Variants in LARGE1 observed in about 807,000 individuals in gnomAD.
The protein encoded by LARGE1 is LARGE xylosyl- and glucuronyltransferase 1.
A neutral mutation model predicts 87.6 loss-of-function variants in LARGE1; 43 were observed. The ratio of observed to expected loss-of-function variants is 0.49; its 90% CI spans 0.38 to 0.63. LARGE1 has a LOEUF of 0.63. Among genes scored for constraint, LARGE1 ranks in the 30% least tolerant of loss-of-function variants. The pLI is 0.00. For missense variants in LARGE1, 802 were observed against 1,000.2 expected (o/e 0.80, Z 2.67); for synonymous variants, 434 against 394.6 (o/e 1.10, Z -1.18).
intron 6 of LARGE1, among the ~76,000 whole-genome samples, chr22:33,468,367 T>G (rs2068700641): frequency 6.6e-6 from 1 of 152,160 alleles, no homozygotes; most frequent in South Asian, 2.1e-4. Context: ...CTTGGAAGAC[T>G]GAGGCAGGAG....
chr22:33,660,548 C>G (rs1430916205), intron 2 of LARGE1, among the ~76,000 whole-genome samples: 1 of 152,214 alleles, frequency 6.6e-6, no homozygotes, highest in African/African-American at 2.4e-5. Context: ...CACTTTTACA[C>G]AGCCTTGAAG....
chr22:33,701,374 A>G (rs897726561), intron 2 of LARGE1, among the ~76,000 whole-genome samples: 12 of 152,224 alleles, frequency 7.9e-5, no homozygotes, highest in Non-Finnish European at 1.8e-4. Context: ...CAGTGCATCC[A>G]CTGCAATTAG....
chr22:33,227,653 A>T (rs1187697032), intron 11 of LARGE1, among the ~76,000 whole-genome samples: 1 of 152,196 alleles, frequency 6.6e-6, no homozygotes, highest in African/African-American at 2.4e-5. Context: ...TCATTTTAAA[A>T]TTTGCTTTAT....
chr22:33,894,510 C>T (rs1415892418), intron 1 of LARGE1, among the ~76,000 whole-genome samples: 1 of 152,192 alleles, frequency 6.6e-6, no homozygotes, highest in East Asian at 1.9e-4. Context: ...GACACTGTCC[C>T]ACTGCTGTCC....
At chr22:33,441,759 T>C (rs2067488221) in intron 6 of LARGE1, among the ~76,000 whole-genome samples, 1 of 152,202 alleles carries the variant, frequency 6.6e-6, no homozygotes, top group South Asian at 2.1e-4. Context: ...TCATAGGTAA[T>C]ATCGAGTAAA....
Position 33,328,822 on chromosome 22 carries a change from A to G in LARGE1, c.1287+8824T>C, listed in dbSNP as rs564588983. The stretch of plus-strand genomic sequence containing the variant: ...TTGTCTTGTGGCTTTAGAGTTAGGT[A>G]GACCTGGTTTCTAATCACGGCCCCA... On this transcript the variant is annotated intron_variant, in intron 10 of 14. Coordinates refer to ENST00000397394, the MANE Select transcript of LARGE1 (RefSeq NM_133642.5). 2.0e-5 allele frequency among the ~76,000 whole-genome samples: 3 copies of G among 152,230 alleles called. No homozygotes were observed. In the South Asian group the frequency reaches 6.2e-4, roughly 32 times the overall value.
chr22:33,770,524 A>T (rs1337366907), intron 1 of LARGE1, among the ~76,000 whole-genome samples: 1 of 152,132 alleles, frequency 6.6e-6, no homozygotes, highest in East Asian at 1.9e-4. Flanking sequence ...ACTCTAAAAA[A>T]ATGTAAAGAC....
chr22:33,168,439 C>T (rs1400664761), intron 11 of LARGE1, among the ~76,000 whole-genome samples: 1 of 152,178 alleles, frequency 6.6e-6, no homozygotes, highest in Non-Finnish European at 1.5e-5. Context: ...GGAGTTATCA[C>T]AAACCATTTT....
At chr22:33,066,709 A>G in the LARGE1 span, among the ~76,000 whole-genome samples, 5 of 152,204 alleles carry the variant, frequency 3.3e-5, no homozygotes, top group African/African-American at 1.2e-4. Context: ...ATTGACATGC[A>G]AAAGAGAGAG....
chr22:33,320,431 T>C (rs1936597406), intron 10 of LARGE1, among the ~76,000 whole-genome samples: 1 of 152,184 alleles, frequency 6.6e-6, no homozygotes, highest in African/African-American at 2.4e-5. Context: ...AGCAATCCGT[T>C]TCTTCTCTGC....
rs144906723 is a variant in LARGE1 at position 33,902,839 on chromosome 22, A to G, written c.-83+17156T>C. Reference sequence around the variant, plus strand: ...CGTATTTAGTGACGGGGTCTTTAAAAAGGTGATTAAGGCTGGGCGCAGTGG... The same window carrying G: ...CGTATTTAGTGACGGGGTCTTTAAAGAGGTGATTAAGGCTGGGCGCAGTGG... On this transcript the variant is annotated intron_variant, in intron 1 of 14. Transcript: ENST00000397394. 3.5e-3 allele frequency among the ~76,000 whole-genome samples: 538 copies of G among 152,272 alleles called. 8 individuals are homozygous for G. Among genetic ancestry groups the G allele is most frequent in the African/African-American group, 0.012 (512 of 41,556 alleles).
At chr22:33,836,797 G>GAA (rs11411468) in intron 1 of LARGE1, among the ~76,000 whole-genome samples, 3,138 of 140,202 alleles carry the variant, frequency 0.022, 94 homozygotes, top group African/African-American at 0.077. Context: ...TACCTTACTG[G>GAA]AAAAAAAAAA....
the LARGE1 span, among the ~76,000 whole-genome samples, chr22:33,097,920 A>G: frequency 6.6e-6 from 1 of 152,236 alleles, no homozygotes; most frequent in East Asian, 1.9e-4. Flanking sequence ...AACTGGATAC[A>G]TGAAACCCTT....
chr22:33,882,035 G>GTTTTTT (rs56757133), intron 1 of LARGE1, among the ~76,000 whole-genome samples: 2 of 144,224 alleles, frequency 1.4e-5, no homozygotes, highest in African/African-American at 2.6e-5. Flanking sequence ...TTTTGTTTTT[G>GTTTTTT]TTTTTTTTTG....
chr22:33,449,910 G>A (rs1291157701), intron 6 of LARGE1, among the ~76,000 whole-genome samples: 1 of 152,020 alleles, frequency 6.6e-6, no homozygotes, highest in Non-Finnish European at 1.5e-5. Context: ...TCGAGGATGA[G>A]GCTTTTGTAC....
chr22:33,602,750 G>C (rs1166591308), intron 5 of LARGE1, among the ~76,000 whole-genome samples: 1 of 152,146 alleles, frequency 6.6e-6, no homozygotes, highest in African/African-American at 2.4e-5. Flanking sequence ...GGGCTCAAGT[G>C]ATCCTCCCCA....
At chr22:33,719,896 C>T (rs1319597927) in intron 2 of LARGE1, among the ~76,000 whole-genome samples, 2 of 152,058 alleles carry the variant, frequency 1.3e-5, no homozygotes, top group Admixed American at 6.5e-5. Context: ...CAATTGCCTC[C>T]GGTAGTCAGT....
chr22:33,182,483 T>C (rs914786240), intron 11 of LARGE1, among the ~76,000 whole-genome samples: 3 of 152,188 alleles, frequency 2.0e-5, no homozygotes, highest in African/African-American at 4.8e-5. Flanking sequence ...AGGGAAAGAA[T>C]AGTCTTTTAA....
At chr22:33,177,602 G>C (rs1922941648) in intron 11 of LARGE1, among the ~76,000 whole-genome samples, 1 of 152,000 alleles carries the variant, frequency 6.6e-6, no homozygotes, top group South Asian at 2.1e-4. Flanking sequence ...CCATATCTTA[G>C]AGGATAAAGA....
Sources: gnomAD v4.1 joint callset for allele counts (sites outside exome capture counted in the v4.1 genomes callset) on GRCh38, gnomAD v4.1.1 for gene constraint, MANE v1.5 for transcripts, NCBI Gene and HGNC (gene_info 2026-07-23, HGNC 2026-07-21) for gene names.